The following GALNT14 variants were observed in gnomAD, a reference collection of about 807,000 sequenced individuals.
GALNT14 encodes the protein polypeptide N-acetylgalactosaminyltransferase 14, also known as UDP-GalNAc:polypeptide N-acetylgalactosaminyltransferase 14.
A neutral mutation model predicts 77.5 loss-of-function variants in GALNT14; 60 were observed. The ratio of observed to expected loss-of-function variants is 0.77; its 90% CI spans 0.63 to 0.96. The LOEUF is 0.96. Among genes scored for constraint, GALNT14 ranks in the 40% least tolerant of loss-of-function variants. The pLI, the probability that GALNT14 is intolerant of heterozygous loss-of-function variation, is 0.00. For missense variants in GALNT14, 710 were observed against 731.0 expected (o/e 0.97, Z 0.33); for synonymous variants, 280 against 281.7 (o/e 0.99, Z 0.06).
At chr2:31,108,077 A>G (rs11900759) in intron 1 of GALNT14, among the ~76,000 whole-genome samples, 2,204 of 152,310 alleles carry the variant, frequency 0.014, 49 homozygotes, top group African/African-American at 0.05. Context: ...AGTAGCAGTA[A>G]GAACACGCCA....
chr2:30,908,299 T>C (rs1342145841), downstream of GALNT14, among the ~76,000 whole-genome samples: 2 of 152,206 alleles, frequency 1.3e-5, no homozygotes, highest in Non-Finnish European at 2.9e-5. Context: ...CATGATTGTA[T>C]ATCTAGAAAA....
At position 30,945,863 on chromosome 2, in the gene GALNT14, G is replaced by A. The variant is rs139825623; in HGVS notation, c.662C>T (p.Thr221Met). 15 of 1,613,920 alleles carry A rather than the reference G, an allele frequency of 9.3e-6. No individual in the cohort carries two copies. The highest frequency in any genetic ancestry group is 4.5e-5 in the East Asian group (2 of 44,898). ...ATCGATCACAGGGCACACCACCCGC[G>A]TGTAGTCCTGTAAGACAACAGACCC... ...PLLHRVKEDY[T>M]RVVCPVIDII... is the part of the protein sequence containing the mutation. Residue 221 changes from threonine to methionine, a missense_variant, in exon 7 of 15, where the codon ACG becomes ATG. By Grantham distance (81) the Thr-to-Met change is moderately conservative (BLOSUM62 -1). Transcript: ENST00000349752.
chr2:31,128,980 A>T (rs61052383), intron 1 of GALNT14, among the ~76,000 whole-genome samples: 49 of 151,414 alleles, frequency 3.2e-4, no homozygotes, highest in African/African-American at 1.2e-3. Flanking sequence ...AAAAAAAAAA[A>T]ACACACAAAG....
chr2:30,933,062 T>C (rs1665836596), intron 9 of GALNT14, among the ~76,000 whole-genome samples: 1 of 152,168 alleles, frequency 6.6e-6, no homozygotes, highest in Admixed American at 6.5e-5. Context: ...AAGTAGTGCT[T>C]CTGCCCTGAG....
intron 9 of GALNT14, among the ~76,000 whole-genome samples, chr2:30,941,085 A>G (rs549223059): frequency 6.6e-6 from 1 of 152,348 alleles, no homozygotes; most frequent in East Asian, 1.9e-4. Flanking sequence ...GCAGCAGACA[A>G]TGCATGGATT....
intron 2 of GALNT14, among the ~76,000 whole-genome samples, chr2:30,980,254 A>T (rs956302317): frequency 6.6e-6 from 1 of 151,802 alleles, no homozygotes; most frequent in Non-Finnish European, 1.5e-5. Context: ...CCGTTTCTCC[A>T]CCCCTGGCCC....
intron 10 of GALNT14, among the ~76,000 whole-genome samples, chr2:30,930,819 T>C (rs1665681382): frequency 6.6e-6 from 1 of 152,244 alleles, no homozygotes; most frequent in Non-Finnish European, 1.5e-5. Flanking sequence ...TCCACTGACC[T>C]AGCCATTAGC....
At chr2:31,059,767 T>C (rs1674475271) in intron 1 of GALNT14, among the ~76,000 whole-genome samples, 1 of 152,196 alleles carries the variant, frequency 6.6e-6, no homozygotes, top group South Asian at 2.1e-4. Context: ...CCTTCTGCCA[T>C]GTGAAGACAC....
intron 1 of GALNT14, among the ~76,000 whole-genome samples, chr2:31,135,518 C>CA (rs147156547): frequency 9.7e-5 from 14 of 144,774 alleles, no homozygotes; most frequent in African/African-American, 1.3e-4. Flanking sequence ...AAAATACTAA[C>CA]AAAAAAAAAA....
rs537350237 is a variant in GALNT14, at chr2:30,931,819, C to A, written c.1058+249G>T. ...GCATTGATGGGTGACTTGAAGCCCA[C>A]GAGGCCTCATGTGGGGCCTTCCGAA... On this transcript the variant is annotated intron_variant, in intron 10 of 14. Coordinates refer to ENST00000349752, the MANE Select transcript of GALNT14 (RefSeq NM_024572.4). Among the ~76,000 whole-genome samples the A allele has an allele frequency of 2.0e-5, 3 of 152,190 alleles. No individual in the cohort carries two copies. In the East Asian group the frequency reaches 5.8e-4, roughly 30 times the overall value.
intron 1 of GALNT14, among the ~76,000 whole-genome samples, chr2:31,013,970 T>C (rs958322541): frequency 1.3e-5 from 2 of 152,182 alleles, no homozygotes; most frequent in Admixed American, 1.3e-4. Flanking sequence ...CCTGTAAGAT[T>C]TCATGAAAGC....
At chr2:31,105,291 C>G (rs1004361804) in intron 1 of GALNT14, among the ~76,000 whole-genome samples, 2 of 152,192 alleles carry the variant, frequency 1.3e-5, no homozygotes, top group Non-Finnish European at 2.9e-5. Flanking sequence ...TTCAAGCCAG[C>G]TCCTGTGTCC....
rs537563327 is a variant in GALNT14 at position 31,040,743 on chromosome 2, C to G, written c.130-47736G>C. Among the ~76,000 whole-genome samples the G allele has an allele frequency of 3.9e-5, 6 of 152,316 alleles. No homozygotes were observed. The South Asian group carries it at 1.2e-3, about 32-fold the overall frequency. On this transcript the variant is annotated intron_variant, in intron 1 of 14. Transcript: ENST00000349752. Reference sequence around the variant, plus strand: ...AATGGGAGGACTCTCAAAAGACAGGCTGAATTTCCTGCCAGCCCTGCAGGT... The same window carrying G: ...AATGGGAGGACTCTCAAAAGACAGGGTGAATTTCCTGCCAGCCCTGCAGGT...
chr2:31,102,685 A>G (rs1292170950), intron 1 of GALNT14, among the ~76,000 whole-genome samples: 2 of 152,104 alleles, frequency 1.3e-5, no homozygotes, highest in Non-Finnish European at 2.9e-5. Flanking sequence ...TGTTAATTAG[A>G]GCTTCCATAT....
At chr2:31,057,348 ATGTGTGTG>A (rs35039993) in intron 1 of GALNT14, among the ~76,000 whole-genome samples, 2 of 111,940 alleles carry the variant, frequency 1.8e-5, no homozygotes, top group African/African-American at 3.6e-5. Flanking sequence ...ACGTATATAT[ATGTGTGTG>A]TGTGTGTGTG....
At chr2:31,070,726 T>C (rs996786159) in intron 1 of GALNT14, among the ~76,000 whole-genome samples, 1 of 152,340 alleles carries the variant, frequency 6.6e-6, no homozygotes, top group Non-Finnish European at 1.5e-5. Flanking sequence ...TGTAGCCACA[T>C]GCCCAAATCA....
At chr2:31,079,595 C>T (rs995745094) in intron 1 of GALNT14, among the ~76,000 whole-genome samples, 1 of 152,176 alleles carries the variant, frequency 6.6e-6, no homozygotes, top group African/African-American at 2.4e-5. Flanking sequence ...CAGCCTGCTG[C>T]CACCAGACCT....
intron 2 of GALNT14, among the ~76,000 whole-genome samples, chr2:30,975,000 G>C (rs1668553700): frequency 1.3e-5 from 2 of 152,202 alleles, no homozygotes; most frequent in Admixed American, 6.5e-5. Context: ...CTCCAGAGCA[G>C]TAAAAGCTGA....
intron 1 of GALNT14, among the ~76,000 whole-genome samples, chr2:30,993,771 G>T (rs984299609): frequency 1.3e-5 from 2 of 152,190 alleles, no homozygotes; most frequent in Non-Finnish European, 2.9e-5. Context: ...GTTCCAAAAG[G>T]TTGACTGGCT....
Sources: gnomAD v4.1 joint callset for allele counts (sites outside exome capture counted in the v4.1 genomes callset) on GRCh38, gnomAD v4.1.1 for gene constraint, MANE v1.5 for transcripts, NCBI Gene and HGNC (gene_info 2026-07-23, HGNC 2026-07-21) for gene names.